Variants in NLRC5 observed in about 807,000 individuals in gnomAD.
NLRC5 encodes the protein NLR family CARD domain containing 5, also known as protein NLRC5.
NLRC5 carries 114 observed loss-of-function variants against 206.9 expected under a neutral mutation model. That is an observed-to-expected ratio of 0.55 (90% confidence interval 0.47 to 0.64). The LOEUF (loss-of-function observed/expected upper bound fraction) is 0.64. NLRC5 is among the 30% of genes least tolerant of loss of function. The pLI is 0.00. For synonymous variants in NLRC5, 952 were observed against 962.8 expected (o/e 0.99, Z 0.21); for missense variants, 2,008 against 2,305.5 (o/e 0.87, Z 2.64).
intron 1 of NLRC5, chr16:56,992,002 A>C (rs1417500766): frequency 1.3e-5 from 2 of 152,148 alleles, no homozygotes; most frequent in Non-Finnish European, 2.9e-5. Flanking sequence ...CTTATAAGAG[A>C]GGAGATGGAC....
At chr16:57,046,489 G>A in intron 21 of NLRC5, 63 bp from the exon 22 acceptor site, 1 of 1,377,852 alleles carries the variant, frequency 7.3e-7, no homozygotes, top group East Asian at 2.3e-5. Flanking sequence ...AGGGGTATAT[G>A]GGCTGGGCTG....
At position 57,081,193 on chromosome 16, in the gene NLRC5, C is replaced by G; in HGVS notation, c.5405+12C>G. ...CTGAAGAGAGTGGAGTATGAGGGGCCGGGGGAGGAATGGGACGGGCTAAAG... is the reference window on the plus strand; with the variant it reads ...CTGAAGAGAGTGGAGTATGAGGGGCGGGGGGAGGAATGGGACGGGCTAAAG... On this transcript the variant is annotated intron_variant, in intron 47 of 48. Transcript: ENST00000688547. The G allele has an allele frequency of 6.5e-7, 1 of 1,538,616 alleles. No individual in the cohort carries two copies. Among genetic ancestry groups the G allele is most frequent in the Non-Finnish European group, 8.7e-7 (1 of 1,146,844 alleles).
rs1367777148 is a variant in NLRC5 at position 57,037,192 on chromosome 16, C to T, written c.2712-3C>T. ...AACGGCTGCCTTCTCCTGCTCTCCA[C>T]AGCCTCAGTAACAACGGGCTTTCTG... is the stretch of plus-strand genomic sequence containing the variant. On this transcript the variant is annotated splice_polypyrimidine_tract_variant and splice_region_variant and intron_variant, in intron 14 of 48. Coordinates refer to ENST00000688547, the MANE Select transcript of NLRC5 (RefSeq NM_001384950.1). 4 of 1,613,318 alleles carry T rather than the reference C, an allele frequency of 2.5e-6. No homozygotes were observed. In the South Asian group the frequency reaches 3.3e-5, roughly 13 times the overall value.
rs374893646 is a variant in NLRC5, at chr16:57,054,706, T to G, written c.3507-45T>G. The G allele has an allele frequency of 2.8e-6, 4 of 1,453,886 alleles. No individual in the cohort carries two copies. The African/African-American group carries it at 4.2e-5, about 15-fold the overall frequency. The allele number at this position is 1,453,886 out of a possible 1,614,324, so 90.1% of individuals were successfully genotyped here. On this transcript the variant is annotated intron_variant, in intron 24 of 48. Coordinates refer to ENST00000688547, the MANE Select transcript of NLRC5 (RefSeq NM_001384950.1). ...TCCTTACCCTCCAGGCTAGCCAGGT[T>G]CCTTGTCCACTCATCTTGCCGGATC...
intron 1 of NLRC5, among the ~76,000 whole-genome samples, chr16:56,998,694 T>A (rs1427451823): frequency 6.6e-6 from 1 of 152,236 alleles, no homozygotes; most frequent in Non-Finnish European, 1.5e-5. Context: ...GTATTGCTGT[T>A]TGTTGATGTG....
intron 13 of NLRC5, 181 bp downstream of exon 13, chr16:57,034,432 G>T (rs1014914788): frequency 6.6e-6 from 4 of 605,176 alleles, no homozygotes; most frequent in Non-Finnish European, 1.2e-5. Context: ...CAGGTGCTGT[G>T]CTAGGGACTG....
chr16:57,012,698 C>T (rs1381562882), intron 1 of NLRC5, among the ~76,000 whole-genome samples: 8 of 152,288 alleles, frequency 5.3e-5, no homozygotes, highest in South Asian at 2.1e-4. Context: ...CCCCAACCCC[C>T]GTCCGGGGAA....
intron 12 of NLRC5, 124 bp from the exon 13 acceptor site, chr16:57,034,044 G>A (rs1327885758): frequency 4.3e-6 from 3 of 696,960 alleles, no homozygotes; most frequent in Non-Finnish European, 7.5e-6. Context: ...CAGCTACTAA[G>A]AGGTGTGGCT....
intron 20 of NLRC5, 79 bp downstream of exon 20, chr16:57,043,683 C>G: frequency 8.8e-7 from 1 of 1,132,244 alleles, no homozygotes. Flanking sequence ...GGCCCCTTGT[C>G]CACCAGTTTC....
At chr16:57,040,554 G>A in intron 16 of NLRC5, 96 bp from the exon 17 acceptor site, 3 of 1,210,160 alleles carry the variant, frequency 2.5e-6, no homozygotes, top group Non-Finnish European at 3.7e-6. Flanking sequence ...TCTAGGTGGA[G>A]GATAGGGCTC....
At position 57,026,235 on chromosome 16, in the gene NLRC5, T is replaced by A; in HGVS notation, c.1292T>A (p.Leu431His). The change falls in exon 6 of 49, where the codon CTC becomes CAC. Residue 431 changes from leucine to histidine, a missense_variant. Leu to His is a moderately conservative substitution (Grantham distance 99, BLOSUM62 -3). Coordinates refer to ENST00000688547, the MANE Select transcript of NLRC5 (RefSeq NM_001384950.1). ...PDHAPGQSVA[L>H]LPNMTQLYMQ... ...CACGCCCCAGGCCAGTCTGTGGCCC[T>A]CCTGCCCAACATGACTCAGCTCTAT... The A allele has an allele frequency of 1.9e-6, 3 of 1,613,830 alleles. No homozygotes were observed. The highest frequency in any genetic ancestry group is 2.5e-6 in the Non-Finnish European group (3 of 1,180,044).
chr16:57,079,578 C>G lies in NLRC5; in HGVS notation c.5270C>G (p.Ala1757Gly). 1 of 1,614,128 alleles carries G rather than the reference C, an allele frequency of 6.2e-7. No individual in the cohort carries two copies. Among genetic ancestry groups the G allele is most frequent in the Non-Finnish European group, 8.5e-7 (1 of 1,179,994 alleles). Residue 1757 changes from alanine (A) to glycine (G), a missense_variant, in exon 46 of 49, where the codon GCC becomes GGC. Physicochemically the swap from Ala to Gly is moderately conservative, Grantham distance 60 (BLOSUM62 0). Coordinates refer to ENST00000688547, the MANE Select transcript of NLRC5 (RefSeq NM_001384950.1). ...TCCTGTAAGATTGACAACCAGACTGCCAAGCTCCTCACCTCCAGCTTCACG... is the reference window on the plus strand; with the variant it reads ...TCCTGTAAGATTGACAACCAGACTGGCAAGCTCCTCACCTCCAGCTTCACG... ...LVSCKIDNQT[A>G]KLLTSSFTSC...
At chr16:57,055,409 C>T (rs778616511) in intron 26 of NLRC5, 24 bp from the exon 27 acceptor site, 1 of 1,610,676 alleles carries the variant, frequency 6.2e-7, no homozygotes, top group Non-Finnish European at 8.5e-7. Flanking sequence ...CCATCCCCTG[C>T]TTGTCCCCTT....
intron 23 of NLRC5, 42 bp downstream of exon 23, chr16:57,047,670 A>T (rs2064181971): frequency 3.3e-6 from 5 of 1,529,314 alleles, no homozygotes; most frequent in Non-Finnish European, 3.6e-6. Context: ...CCATGTGGGG[A>T]TCTGCCCAGT....
At position 57,065,254 on chromosome 16, in the gene NLRC5, GT is replaced by G; in HGVS notation, c.4199del (p.Leu1400Ter). On this transcript the variant is annotated frameshift_variant, in exon 33 of 49. Coordinates refer to ENST00000688547, the MANE Select transcript of NLRC5 (RefSeq NM_001384950.1). LOFTEE classifies it high-confidence loss of function. ...WADRARVLSLLEVCAQASGSV... is the reference protein window; with the variant it reads ...WADRARVLSLXEVCAQASGSV... The stretch of plus-strand genomic sequence containing the variant: ...CGGACAGAGCCAGGGTTCTCTCCCT[GT>G]TAGAAGTCTGCGCCCAGGCCTCAGG... The G allele has an allele frequency of 6.3e-7, 1 of 1,587,640 alleles. No homozygotes were observed. Among genetic ancestry groups the G allele is most frequent in the Non-Finnish European group, 8.6e-7 (1 of 1,164,862 alleles).
At chr16:56,992,837 A>C (rs893027282) in intron 1 of NLRC5, among the ~76,000 whole-genome samples, 1 of 151,932 alleles carries the variant, frequency 6.6e-6, no homozygotes, top group South Asian at 2.1e-4. Flanking sequence ...TTTAAAAATA[A>C]ATGATATGGA....
intron 11 of NLRC5, among the ~76,000 whole-genome samples, chr16:57,032,200 G>A (rs1447178470): frequency 2.0e-5 from 3 of 152,000 alleles, no homozygotes; most frequent in African/African-American, 7.3e-5. Flanking sequence ...CTTGATTCCA[G>A]GTGTTCAAGA....
rs16965150 is a variant in NLRC5 at position 57,025,572 on chromosome 16, C to T, written c.629C>T (p.Ser210Leu). The T allele has an allele frequency of 0.024, 38,913 of 1,614,008 alleles. 587 individuals are homozygous for T. Among genetic ancestry groups the T allele is most frequent in the Middle Eastern group, 0.036 (216 of 6,060 alleles). The stretch of plus-strand genomic sequence containing the variant: ...GAAGATGGTGCTGACGTGAGCATCT[C>T]GGACCTCTTCAACACCAGGGTTAAC... ...KVEDGADVSI[S>L]DLFNTRVNKG... The change falls in exon 6 of 49, where the codon TCG becomes TTG. Residue 210 changes from serine to leucine, a missense_variant. Transcript: ENST00000688547.
chr16:56,993,134 C>CACGTATATACGTGTATATATAT (rs1445203454), intron 1 of NLRC5, among the ~76,000 whole-genome samples: 1 of 81,804 alleles, frequency 1.2e-5, no homozygotes, highest in Non-Finnish European at 3.0e-5. Context: ...TATATATATA[C>CACGTATATACGTGTATATATAT]ACACACACAC....
Sources: gnomAD v4.1 joint callset for allele counts (sites outside exome capture counted in the v4.1 genomes callset) on GRCh38, gnomAD v4.1.1 for gene constraint, MANE v1.5 for transcripts, NCBI Gene and HGNC (gene_info 2026-07-23, HGNC 2026-07-21) for gene names.